The following STARD9 variants were observed in gnomAD, a reference collection of about 807,000 sequenced individuals.
The protein encoded by STARD9 is stAR-related lipid transfer protein 9.
STARD9 carries 346 observed loss-of-function variants against 399.8 expected under a neutral mutation model. That is an observed-to-expected ratio of 0.87 (90% CI 0.79 to 0.95). The LOEUF is 0.95. Among genes scored for constraint, STARD9 ranks in the 40% least tolerant of loss-of-function variants. The pLI is 0.00. For missense variants in STARD9, 5,832 were observed against 5,667.5 expected (o/e 1.03, Z -0.93); for synonymous variants, 2,203 against 2,143.5 (o/e 1.03, Z -0.77).
chr15:42,636,640 AACAAATAAACACTACACAGGG>A (rs1233249999), intron 4 of STARD9, among the ~76,000 whole-genome samples: 2 of 152,198 alleles, frequency 1.3e-5, no homozygotes, highest in Non-Finnish European at 2.9e-5. Context: ...TTAGGTGGGT[AACAAATAAACACTACACAGGG>A]ACATTCTATA....
intron 3 of STARD9, among the ~76,000 whole-genome samples, chr15:42,601,094 A>T (rs977563122): frequency 3.3e-5 from 5 of 152,066 alleles, no homozygotes; most frequent in African/African-American, 1.2e-4. Context: ...GCCTTCAAGC[A>T]TCTGTTTAAC....
chr15:42,634,184 G>C (rs2141913078), intron 3 of STARD9, among the ~76,000 whole-genome samples: 2 of 152,330 alleles, frequency 1.3e-5, no homozygotes, highest in East Asian at 3.9e-4. Context: ...CTAGGAAGCT[G>C]TGCCTTCCCC....
Position 42,693,322 on chromosome 15 carries a change from C to T in STARD9, c.11744C>T (p.Pro3915Leu), listed in dbSNP as rs2060759785. Reference sequence around the variant, plus strand: ...AGCACCCAAGAGCCGGGTCTTTCCCCAGGCTCTTTGACCCTCTCAGCCCCT... The same window carrying T: ...AGCACCCAAGAGCCGGGTCTTTCCCTAGGCTCTTTGACCCTCTCAGCCCCT... ...SASTQEPGLS[P>L]GSLTLSAPST... Residue 3915 changes from proline to leucine, a missense_variant, in exon 23 of 33, where the codon CCA becomes CTA. Pro to Leu is a moderately conservative substitution (Grantham distance 98). This residue lies in a region of STARD9 where 5,828 missense variants were observed against 5,651.1 expected (regional missense o/e 1.03). Transcript: ENST00000290607. The T allele has an allele frequency of 1.3e-6, 2 of 1,537,034 alleles. No homozygotes were observed. Among genetic ancestry groups the T allele is most frequent in the Non-Finnish European group, 1.7e-6 (2 of 1,146,914 alleles).
intron 3 of STARD9, among the ~76,000 whole-genome samples, chr15:42,613,997 A>G (rs1181390733): frequency 6.6e-6 from 1 of 151,912 alleles, no homozygotes. Flanking sequence ...GGACATCTGA[A>G]TAAAATAATG....
At chr15:42,708,204 C>T (rs2061132166) in intron 26 of STARD9, among the ~76,000 whole-genome samples, 1 of 152,054 alleles carries the variant, frequency 6.6e-6, no homozygotes, top group African/African-American at 2.4e-5. Context: ...TATAATAATC[C>T]TTTTAAATTG....
Position 42,665,254 on chromosome 15 carries a change from A to T in STARD9, c.1178A>T (p.Asp393Val). The change falls in exon 14 of 33, where the codon GAT becomes GTT. Residue 393 changes from aspartate (D) to valine (V), a missense_variant and splice_region_variant. Coordinates refer to ENST00000290607, the MANE Select transcript of STARD9 (RefSeq NM_020759.3). Reference protein sequence around the residue: ...NIINKPRVNEDANLKLIRELR... With the variant: ...NIINKPRVNEVANLKLIRELR... ...GTGATGGAGTTCTCTGTGTTTCAGG[A>T]TGCAAACTTAAAACTGATTAGAGAA... 1.3e-6 allele frequency: 2 copies of T among 1,536,778 alleles called. No individual in the cohort carries two copies. The highest frequency in any genetic ancestry group is 1.7e-6 in the Non-Finnish European group (2 of 1,146,530).
rs1264608700 is a variant in STARD9, at chr15:42,694,633, C to G, written c.12870C>G (p.Pro4290=). ...CTCAGAAACAACTGAGCCTCCTGCC[C>G]AACAAAGATCTCTTCATCTGGGATC... ...LSPQKQLSLL[P]NKDLFIWDLD... Residue 4290 remains proline (P), a synonymous_variant, in exon 24 of 33, where the codon CCC becomes CCG. Coordinates refer to ENST00000290607, the MANE Select transcript of STARD9 (RefSeq NM_020759.3). 1 of 1,537,168 alleles carries G rather than the reference C, an allele frequency of 6.5e-7. No individual in the cohort carries two copies. Among genetic ancestry groups the G allele is most frequent in the African/African-American group, 1.4e-5 (1 of 73,138 alleles).
At chr15:42,611,312 T>C (rs989742577) in intron 3 of STARD9, among the ~76,000 whole-genome samples, 2 of 152,256 alleles carry the variant, frequency 1.3e-5, no homozygotes, top group East Asian at 1.9e-4. Context: ...AAATACTTGC[T>C]ATCTGGCTCT....
chr15:42,663,167 A>G (rs2060022397), intron 11 of STARD9, 114 bp from the exon 12 acceptor site: 8 of 987,400 alleles, frequency 8.1e-6, no homozygotes, highest in Non-Finnish European at 1.2e-5. Flanking sequence ...TATTGTATGC[A>G]GAAGGGATTA....
chr15:42,667,866 C>G (rs2060133265), intron 15 of STARD9, among the ~76,000 whole-genome samples: 1 of 152,192 alleles, frequency 6.6e-6, no homozygotes, highest in African/African-American at 2.4e-5. Context: ...AGTATCCTGG[C>G]CATGTTAACA....
rs2059870495 is a variant in STARD9 at position 42,656,327 on chromosome 15, T to TTA, written c.702+3735_702+3736insTA. ...ATGCCACTGCACTCCAGCCATCTCC[T>TTA]AAAAAAAAAAAAAAAAAAAAAAAAA... On this transcript the variant is annotated intron_variant, in intron 9 of 32. Coordinates refer to ENST00000290607, the MANE Select transcript of STARD9 (RefSeq NM_020759.3). Among the ~76,000 whole-genome samples the TTA allele has an allele frequency of 1.1e-4, 4 of 35,342 alleles. No individual in the cohort carries two copies. The South Asian group carries it at 2.5e-3, about 22-fold the overall frequency. The allele number at this position is 35,342 out of a possible 152,430, so 23.2% of individuals were successfully genotyped here. A position where few individuals can be genotyped will look rare whatever the true frequency, so the allele number is the denominator to read the frequency against.
rs1292497169 is a variant in STARD9 at position 42,686,205 on chromosome 15, A to T, written c.4627A>T (p.Asn1543Tyr). 6.5e-7 allele frequency: 1 copy of T among 1,537,548 alleles called. No individual in the cohort carries two copies. The highest frequency in any genetic ancestry group is 1.4e-5 in the African/African-American group (1 of 73,036). Reference sequence around the variant, plus strand: ...TGGCCCTAGGGTATCTAGCAATCTGAATCTCAACAACTTTCCAGTCCATCT... The same window carrying T: ...TGGCCCTAGGGTATCTAGCAATCTGTATCTCAACAACTTTCCAGTCCATCT... ...PVGPRVSSNL[N>Y]LNNFPVHLSR... The change falls in exon 23 of 33, where the codon AAT becomes TAT. Residue 1543 changes from asparagine to tyrosine, a missense_variant. Coordinates refer to ENST00000290607, the MANE Select transcript of STARD9 (RefSeq NM_020759.3).
At chr15:42,640,404 T>G in intron 7 of STARD9, among the ~76,000 whole-genome samples, 1 of 152,188 alleles carries the variant, frequency 6.6e-6, no homozygotes, top group East Asian at 1.9e-4. Flanking sequence ...AAACACCATT[T>G]CCTTTGCTAG....
rs565887505 is a variant in STARD9 at position 42,637,852 on chromosome 15, G to T, written c.352-55G>T. On this transcript the variant is annotated intron_variant, in intron 4 of 32. Coordinates refer to ENST00000290607, the MANE Select transcript of STARD9 (RefSeq NM_020759.3). ...GAGGATGGTTCCTGGGTATTCTGTGGGGGAGAGCATCATCTTAAGTAAACA... is the reference window on the plus strand; with the variant it reads ...GAGGATGGTTCCTGGGTATTCTGTGTGGGAGAGCATCATCTTAAGTAAACA... The T allele has an allele frequency of 8.5e-4, 1,293 of 1,519,668 alleles. 23 individuals are homozygous for T. In the South Asian group the frequency reaches 0.014, roughly 17 times the overall value. The allele number at this position is 1,519,668 out of a possible 1,614,324, so 94.1% of individuals were successfully genotyped here.
intron 7 of STARD9, among the ~76,000 whole-genome samples, chr15:42,640,201 A>T (rs1291178075): frequency 2.0e-5 from 3 of 152,152 alleles, no homozygotes; most frequent in Non-Finnish European, 4.4e-5. Flanking sequence ...TATAGATGTG[A>T]GCCAGCGTGC....
intron 20 of STARD9, among the ~76,000 whole-genome samples, chr15:42,677,794 C>T (rs1184367894): frequency 2.6e-5 from 4 of 152,178 alleles, no homozygotes; most frequent in South Asian, 2.1e-4. Context: ...TATATATGCA[C>T]GGTGCAGACA....
At chr15:42,656,554 C>T (rs1256238236) in intron 9 of STARD9, among the ~76,000 whole-genome samples, 2 of 152,020 alleles carry the variant, frequency 1.3e-5, no homozygotes, top group Non-Finnish European at 2.9e-5. Flanking sequence ...GCACAATTCA[C>T]ATTTGCAAAA....
At chr15:42,598,626 A>G (rs1412085897) in intron 3 of STARD9, among the ~76,000 whole-genome samples, 1 of 152,114 alleles carries the variant, frequency 6.6e-6, no homozygotes, top group Admixed American at 6.5e-5. Context: ...TTGGGGGTAC[A>G]TGTGATATTT....
intron 3 of STARD9, among the ~76,000 whole-genome samples, chr15:42,592,377 A>G (rs887447156): frequency 3.9e-5 from 6 of 152,160 alleles, no homozygotes; most frequent in African/African-American, 1.2e-4. Context: ...GGAGATCTCT[A>G]TAGTACCTGT....
Sources: allele counts gnomAD v4.1 joint callset (sites outside exome capture counted in the v4.1 genomes callset), GRCh38; gene constraint gnomAD v4.1.1; regional missense constraint gnomAD v4.1.1; transcripts MANE v1.5; gene names NCBI Gene and HGNC (gene_info 2026-07-23, HGNC 2026-07-21).